The following TEK variants were observed in gnomAD, a reference collection of about 807,000 sequenced individuals.
TEK encodes TEK receptor tyrosine kinase.
A neutral mutation model predicts 131.8 loss-of-function variants in TEK; 43 were observed. The observed-to-expected ratio is 0.33, with a 90% CI of 0.26 to 0.42. The LOEUF (loss-of-function observed/expected upper bound fraction) is 0.42. TEK is among the 10% of genes least tolerant of loss of function. The pLI, the probability that TEK is intolerant of heterozygous loss-of-function variation, is 1.00. For synonymous variants in TEK, 580 were observed against 491.6 expected (o/e 1.18, Z -2.38); for missense variants, 1,162 against 1,384.4 (o/e 0.84, Z 2.55).
At chr9:27,223,393 C>T (rs1455134118) in intron 21 of TEK, among the ~76,000 whole-genome samples, 2 of 151,982 alleles carry the variant, frequency 1.3e-5, no homozygotes, top group South Asian at 2.1e-4. Flanking sequence ...TAAGCAAATG[C>T]GAAAAAACGG....
At chr9:27,226,550 G>T (rs952596350) in intron 21 of TEK, among the ~76,000 whole-genome samples, 1 of 152,078 alleles carries the variant, frequency 6.6e-6, no homozygotes. Flanking sequence ...ATGGACACAG[G>T]GAGGGGAATA....
At chr9:27,213,868 C>G (rs945772085) in intron 18 of TEK, among the ~76,000 whole-genome samples, 1 of 152,196 alleles carries the variant, frequency 6.6e-6, no homozygotes, top group Non-Finnish European at 1.5e-5. Context: ...TTGGTTCTAT[C>G]CAGTCCAGAC....
At chr9:27,110,275 C>G (rs1024299921) in intron 1 of TEK, among the ~76,000 whole-genome samples, 1 of 150,540 alleles carries the variant, frequency 6.6e-6, no homozygotes, top group Non-Finnish European at 1.5e-5. Flanking sequence ...AAAGGGTTTA[C>G]TGGCCCAATG....
intron 6 of TEK, among the ~76,000 whole-genome samples, chr9:27,179,120 AT>A (rs1397025053): frequency 6.6e-6 from 1 of 152,124 alleles, no homozygotes; most frequent in East Asian, 1.9e-4. Context: ...GTCCCTAAGG[AT>A]TAAAAATCAT....
chr9:27,185,479 T>A lies in TEK; in HGVS notation c.1183-6T>A. ...GTTTTTATTTTTTTGTATTTGACCTTTTCAGCCAAAAGACTTTAACCATAC... is the reference window on the plus strand; with the variant it reads ...GTTTTTATTTTTTTGTATTTGACCTATTCAGCCAAAAGACTTTAACCATAC... On this transcript the variant is annotated splice_region_variant and splice_polypyrimidine_tract_variant and intron_variant, in intron 8 of 22. Transcript: ENST00000380036. 6.2e-7 allele frequency: 1 copy of A among 1,613,664 alleles called. No homozygotes were observed. The highest frequency in any genetic ancestry group is 1.7e-5 in the Admixed American group (1 of 59,986).
intron 6 of TEK, among the ~76,000 whole-genome samples, chr9:27,178,308 C>A (rs760795338): frequency 1.3e-5 from 2 of 151,854 alleles, no homozygotes; most frequent in Non-Finnish European, 2.9e-5. Flanking sequence ...AATTCTGTTC[C>A]GTTGGTCTAT....
At chr9:27,126,603 G>T (rs1821999607) in intron 1 of TEK, among the ~76,000 whole-genome samples, 1 of 152,192 alleles carries the variant, frequency 6.6e-6, no homozygotes, top group African/African-American at 2.4e-5. Context: ...AAGTCAGACT[G>T]CAATAAAGTT....
chr9:27,191,290 G>GA (rs1824813506), intron 10 of TEK, among the ~76,000 whole-genome samples: 1 of 151,704 alleles, frequency 6.6e-6, no homozygotes, highest in South Asian at 2.1e-4. Flanking sequence ...CTTCCTGAAA[G>GA]AAAAAAATAA....
chr9:27,150,722 A>G (rs567274956), intron 1 of TEK, among the ~76,000 whole-genome samples: 1 of 152,322 alleles, frequency 6.6e-6, no homozygotes, highest in Non-Finnish European at 1.5e-5. Flanking sequence ...GCCTCACAGA[A>G]TGGAGTTTGC....
At chr9:27,218,723 A>G in intron 19 of TEK, 54 bp from the exon 20 acceptor site, 12 of 1,607,316 alleles carry the variant, frequency 7.5e-6, no homozygotes, top group South Asian at 1.1e-5. Flanking sequence ...GGGCCGGAAA[A>G]TGAGCGGTGA....
Position 27,229,166 on chromosome 9 carries a change from G to C in TEK, c.3309G>C (p.Val1103=), listed in dbSNP as rs199954698. Residue 1103 remains valine (V), a synonymous_variant, in exon 23 of 23, where the codon GTG becomes GTC. Coordinates refer to ENST00000380036, the MANE Select transcript of TEK (RefSeq NM_000459.5). ...CATTTTCATTCTTCCAGACCTACGTGAATACCACGCTTTATGAGAAGTTTA... is the reference window on the plus strand; with the variant it reads ...CATTTTCATTCTTCCAGACCTACGTCAATACCACGCTTTATGAGAAGTTTA... ...NRMLEERKTY[V]NTTLYEKFTY... is the part of the protein sequence containing the mutation. 2 of 1,613,780 alleles carry C rather than the reference G, an allele frequency of 1.2e-6. No individual in the cohort carries two copies. Among genetic ancestry groups the C allele is most frequent in the Non-Finnish European group, 1.7e-6 (2 of 1,179,710 alleles).
chr9:27,229,113 G>C (rs1371277800), intron 22 of TEK, 45 bp from the exon 23 acceptor site: 4 of 1,579,220 alleles, frequency 2.5e-6, no homozygotes, highest in Middle Eastern at 1.7e-4. Context: ...TGGCAGAGGT[G>C]GAATCAAAGC....
chr9:27,119,298 T>A (rs990503475), intron 1 of TEK, among the ~76,000 whole-genome samples: 4 of 152,182 alleles, frequency 2.6e-5, no homozygotes, highest in African/African-American at 9.7e-5. Context: ...CATTTCTTCA[T>A]GTGGTTTTGG....
At chr9:27,204,588 A>G (rs557138939) in intron 13 of TEK, among the ~76,000 whole-genome samples, 165 of 152,260 alleles carry the variant, frequency 1.1e-3, no homozygotes, top group African/African-American at 3.9e-3. Context: ...AATTCTCCCT[A>G]TTATTCAACA....
intron 12 of TEK, among the ~76,000 whole-genome samples, chr9:27,199,267 C>T (rs547234281): frequency 1.2e-4 from 18 of 152,324 alleles, no homozygotes; most frequent in Non-Finnish European, 2.2e-4. Context: ...TCTTGTCATT[C>T]ATCCTCTCCC....
rs746860160 is a variant in TEK at position 27,172,688 on chromosome 9, A to T, written c.701A>T (p.His234Leu). Residue 234 changes from histidine to leucine, a missense_variant, in exon 5 of 23, where the codon CAT becomes CTT. Physicochemically the swap from His to Leu is moderately conservative, Grantham distance 99. Coordinates refer to ENST00000380036, the MANE Select transcript of TEK (RefSeq NM_000459.5). Reference sequence around the variant, plus strand: ...GCTTGTATGAACAATGGTGTCTGCCATGAAGATACTGGAGAATGCATTTGC... The same window carrying T: ...GCTTGTATGAACAATGGTGTCTGCCTTGAAGATACTGGAGAATGCATTTGC... ...CTACMNNGVC[H>L]EDTGECICPP... 11 of 1,613,820 alleles carry T rather than the reference A, an allele frequency of 6.8e-6. No individual in the cohort carries two copies. The highest frequency in any genetic ancestry group is 9.3e-6 in the Non-Finnish European group (11 of 1,179,738).
At chr9:27,197,727 A>T in intron 12 of TEK, 128 bp downstream of exon 12, 2 of 1,136,342 alleles carry the variant, frequency 1.8e-6, no homozygotes, top group South Asian at 2.6e-5. Flanking sequence ...AAGGCTAATT[A>T]GTGCCCCCCA....
At chr9:27,121,006 C>T (rs1821761614) in intron 1 of TEK, among the ~76,000 whole-genome samples, 1 of 152,202 alleles carries the variant, frequency 6.6e-6, no homozygotes, top group Non-Finnish European at 1.5e-5. Context: ...GATGTACTAG[C>T]TGACGAAGAA....
In TEK at chr9:27,169,570, C is replaced by T. The variant is rs778829843; in HGVS notation, c.569C>T (p.Ser190Leu). The change falls in exon 4 of 23, where the codon TCG becomes TTG. Residue 190 changes from serine (S) to leucine (L), a missense_variant. Around this residue, in one of 6 missense-constraint regions of TEK, gnomAD observed 436 missense variants for 539.1 expected, o/e 0.81. Transcript: ENST00000380036. ...HAQPQDAGVY[S>L]ARYIGGNLFT... ...CAGCCCCAGGATGCTGGAGTGTACT[C>T]GGCCAGGTATATAGGAGGAAACCTC... 39 of 1,614,014 alleles carry T rather than the reference C, an allele frequency of 2.4e-5. No homozygotes were observed. Among genetic ancestry groups the T allele is most frequent in the Non-Finnish European group, 2.9e-5 (34 of 1,180,018 alleles).
Sources: gnomAD v4.1 joint callset for allele counts (sites outside exome capture counted in the v4.1 genomes callset) on GRCh38, gnomAD v4.1.1 for gene constraint, gnomAD v4.1.1 regional missense constraint, MANE v1.5 for transcripts, NCBI Gene and HGNC (gene_info 2026-07-23, HGNC 2026-07-21) for gene names.